Variants in OXNAD1 observed in about 807,000 individuals in gnomAD.
OXNAD1 encodes oxidoreductase NAD-binding domain-containing protein 1.
OXNAD1 carries 34 observed loss-of-function variants against 32.9 expected under a neutral mutation model. That is an observed-to-expected ratio of 1.03 (90% confidence interval 0.79 to 1.38). The LOEUF (loss-of-function observed/expected upper bound fraction) is 1.38, where lower values mean the gene tolerates loss of function less well. OXNAD1 is among the 40% of genes most tolerant of loss of function. OXNAD1 has a pLI of 0.00. For synonymous variants in OXNAD1, 134 were observed against 135.2 expected, an observed-to-expected ratio of 0.99 and a Z score of 0.06; for missense variants, 407 against 379.4, an observed-to-expected ratio of 1.07 and a Z score of -0.60.
Position 16,316,626 on chromosome 3 carries a change from A to G in OXNAD1, c.*30+13034A>G, listed in dbSNP as rs1368596662. 2 of 667,504 alleles carry G rather than the reference A, an allele frequency of 3.0e-6. No individual in the cohort carries two copies. Among genetic ancestry groups the G allele is most frequent in the Non-Finnish European group, 5.3e-6 (2 of 377,040 alleles). 41.3% of individuals were successfully genotyped at this position (667,504 alleles called of 1,614,324 possible). On this transcript the variant is annotated intron_variant, in intron 9 of 9. Coordinates refer to the OXNAD1 transcript ENST00000435829. This position sits in a 1 kb window ranked among gnomAD's most constrained non-coding sequence, Gnocchi z 4.5. ...GCATTCTAACACTGGGTCATTAATG[A>G]CACCTTTCCAGTGGATGTGCAAAAA... is the stretch of plus-strand genomic sequence containing the variant.
rs1385009962 is a variant in OXNAD1, at chr3:16,271,578, A to G, written c.120-81A>G. ...GTAATGTTACACTGTATTTAGGATA[A>G]CCATGATATTTCAGGAAAAACTAAT... On this transcript the variant is annotated intron_variant, in intron 3 of 8. Coordinates refer to ENST00000285083, the MANE Select transcript of OXNAD1 (RefSeq NM_138381.5). The surrounding 1 kb of genome is among the most constrained non-coding windows in gnomAD (Gnocchi z 4.6). 5 of 1,148,122 alleles carry G rather than the reference A, an allele frequency of 4.4e-6. No individual in the cohort carries two copies. The highest frequency in any genetic ancestry group is 6.2e-6 in the Non-Finnish European group (5 of 806,664). The allele number at this position is 1,148,122 out of a possible 1,614,324, so 71.1% of individuals were successfully genotyped here.
chr3:16,286,240 CA>C, intron 4 of OXNAD1, 101 bp from the exon 5 acceptor site: 3 of 883,824 alleles, frequency 3.4e-6, no homozygotes, highest in Non-Finnish European at 5.4e-6. Context: ...TCAAAAACCA[CA>C]TCTTTGTAGG....
In OXNAD1 at chr3:16,303,351, C is replaced by T. The variant is rs537221237; in HGVS notation, c.785-57C>T. The T allele has an allele frequency of 2.0e-4, 318 of 1,581,478 alleles. No individual in the cohort carries two copies. Among genetic ancestry groups the T allele is most frequent in the Middle Eastern group, 3.4e-4 (2 of 5,916 alleles). ...ATCTGAATTGTGGTTAGTCCTTCCT[C>T]ATTTGCTGATACAACCATGTCTGGC... On this transcript the variant is annotated intron_variant, in intron 8 of 8. Coordinates refer to ENST00000285083, the MANE Select transcript of OXNAD1 (RefSeq NM_138381.5). This position sits in a 1 kb window ranked among gnomAD's most constrained non-coding sequence, Gnocchi z 4.8.
rs184033401 is a variant in OXNAD1 at position 16,299,597 on chromosome 3, A to C, written c.433-2029A>C. On this transcript the variant is annotated intron_variant, in intron 6 of 8. Transcript: ENST00000285083. The surrounding 1 kb of genome is among the most constrained non-coding windows in gnomAD (Gnocchi z 4.4). ...TTCATTTTTCTTAGATCTTCTCTAA[A>C]TTTAACTCAACTTTAACTTGCAGAG... 1.8e-3 allele frequency among the ~76,000 whole-genome samples: 274 copies of C among 152,332 alleles called. No homozygotes were observed. Among genetic ancestry groups the C allele is most frequent in the Non-Finnish European group, 3.5e-3 (241 of 68,032 alleles).
At position 16,344,411 on chromosome 3, in the gene OXNAD1, C is replaced by T. The variant is rs147087133; in HGVS notation, c.*31-4765C>T. The stretch of plus-strand genomic sequence containing the variant: ...TAGAAACAACATGTAAAAACAGATA[C>T]ATTCAGAAAAGGCGGCTCTGGTTGA... On this transcript the variant is annotated intron_variant, in intron 9 of 9. Coordinates refer to the OXNAD1 transcript ENST00000606098. The surrounding 1 kb of genome is among the most constrained non-coding windows in gnomAD (Gnocchi z 4.4). Among the ~76,000 whole-genome samples the T allele has an allele frequency of 1.3e-4, 19 of 151,968 alleles. No individual in the cohort carries two copies. In the East Asian group the frequency reaches 3.5e-3, roughly 28 times the overall value.
At chr3:16,337,368 T>C (rs767555583), downstream of OXNAD1, 5 of 152,346 alleles carry the variant, frequency 3.3e-5, no homozygotes, top group Non-Finnish European at 5.9e-5. This position sits in a 1 kb window ranked among gnomAD's most constrained non-coding sequence, Gnocchi z 5.0. Flanking sequence ...AGAAGCTAAC[T>C]GGTGTATTAC....
At chr3:16,285,948 T>G (rs2066044011) in intron 4 of OXNAD1, among the ~76,000 whole-genome samples, 1 of 152,174 alleles carries the variant, frequency 6.6e-6, no homozygotes, top group Non-Finnish European at 1.5e-5. Flanking sequence ...TGCCCAGTGC[T>G]GATGGAGAAT....
rs1328536198 is a variant in OXNAD1, at chr3:16,277,922, C to G, written c.183+6200C>G. 2.0e-5 allele frequency among the ~76,000 whole-genome samples: 3 copies of G among 152,020 alleles called. No individual in the cohort carries two copies. Among genetic ancestry groups the G allele is most frequent in the African/African-American group, 4.8e-5 (2 of 41,352 alleles). ...CAAAAGAATAAGCAGTCTGAGTAAC[C>G]CTAGAAATGTCAAGGAGATAAAGAT... On this transcript the variant is annotated intron_variant, in intron 4 of 8. Transcript: ENST00000285083. The surrounding 1 kb of genome is among the most constrained non-coding windows in gnomAD (Gnocchi z 4.3).
In OXNAD1 at chr3:16,334,187, A is replaced by G. The variant is rs185762482; in HGVS notation, c.*31-2925A>G. ...CTCAAAACAAAAACAAAAACAAAAA[A>G]CAACAACAAAAAATACCCTGAGATA... is the stretch of plus-strand genomic sequence containing the variant. On this transcript the variant is annotated intron_variant, in intron 9 of 9. Coordinates refer to the OXNAD1 transcript ENST00000435829. The surrounding 1 kb of genome is among the most constrained non-coding windows in gnomAD (Gnocchi z 4.3). 1.1e-3 allele frequency among the ~76,000 whole-genome samples: 162 copies of G among 152,196 alleles called. 4 individuals are homozygous for G. The highest frequency in any genetic ancestry group is 0.011 in the Admixed American group (162 of 15,290).
rs1449589044 is a variant in OXNAD1, at chr3:16,302,980, T to C, written c.784+232T>C. Reference sequence around the variant, plus strand: ...ACTTTTCACACTTTTTAAGAGGCCTTTGCATCATCACTGTAGTGTCCATAC... The same window carrying C: ...ACTTTTCACACTTTTTAAGAGGCCTCTGCATCATCACTGTAGTGTCCATAC... On this transcript the variant is annotated intron_variant, in intron 8 of 8. Transcript: ENST00000285083. This position sits in a 1 kb window ranked among gnomAD's most constrained non-coding sequence, Gnocchi z 4.2. Among the ~76,000 whole-genome samples the C allele has an allele frequency of 6.6e-6, 1 of 152,228 alleles. No individual in the cohort carries two copies. Among genetic ancestry groups the C allele is most frequent in the African/African-American group, 2.4e-5 (1 of 41,454 alleles).
chr3:16,337,040 T>C lies in OXNAD1; in HGVS notation c.*31-72T>C, dbSNP rs2070923999. 6.6e-6 allele frequency: 1 copy of C among 152,202 alleles called. No homozygotes were observed. The highest frequency in any genetic ancestry group is 1.5e-5 in the Non-Finnish European group (1 of 68,060). 9.4% of individuals were successfully genotyped at this position (152,202 alleles called of 1,614,324 possible). A position where few individuals can be genotyped will look rare whatever the true frequency, so the allele number is the denominator to read the frequency against. ...GGGACTTGCTCTGACAAATAGGATA[T>C]GGCAGATGTGACATTACGGTCATCC... On this transcript the variant is annotated intron_variant, in intron 9 of 9. Coordinates refer to the OXNAD1 transcript ENST00000435829. The surrounding 1 kb of genome is among the most constrained non-coding windows in gnomAD (Gnocchi z 5.0).
At position 16,288,028 on chromosome 3, in the gene OXNAD1, G is replaced by C. The variant is rs940786349; in HGVS notation, c.290+1580G>C. 1.3e-5 allele frequency among the ~76,000 whole-genome samples: 2 copies of C among 152,070 alleles called. No individual in the cohort carries two copies. Among genetic ancestry groups the C allele is most frequent in the African/African-American group, 4.8e-5 (2 of 41,408 alleles). ...TGATCAGCATTCATTCCAGGCCCCT[G>C]GGCCCTCCTCTTTCAACAAATTTTA... On this transcript the variant is annotated intron_variant, in intron 5 of 8. Transcript: ENST00000285083. This position sits in a 1 kb window ranked among gnomAD's most constrained non-coding sequence, Gnocchi z 5.1.
chr3:16,303,347 TC>T lies in OXNAD1; in HGVS notation c.785-59del, dbSNP rs2067317773. On this transcript the variant is annotated intron_variant, in intron 8 of 8. Transcript: ENST00000285083. The surrounding 1 kb of genome is among the most constrained non-coding windows in gnomAD (Gnocchi z 4.8). ...CTGTATCTGAATTGTGGTTAGTCCT[TC>T]CTCATTTGCTGATACAACCATGTCT... 1 of 1,572,034 alleles carries T rather than the reference TC, an allele frequency of 6.4e-7. No homozygotes were observed. Among genetic ancestry groups the T allele is most frequent in the Admixed American group, 1.7e-5 (1 of 58,298 alleles).
chr3:16,291,103 A>G (rs1339377314), intron 5 of OXNAD1, among the ~76,000 whole-genome samples: 4 of 152,198 alleles, frequency 2.6e-5, no homozygotes, highest in African/African-American at 9.6e-5. Context: ...GAAACCCAGG[A>G]GTTCTAGACT....
chr3:16,283,159 A>G (rs1326025408), intron 4 of OXNAD1, among the ~76,000 whole-genome samples: 2 of 152,136 alleles, frequency 1.3e-5, no homozygotes, highest in Non-Finnish European at 2.9e-5. Flanking sequence ...ATGCATCCAT[A>G]ATTGAATATC....
chr3:16,338,827 G>T (rs114178633), downstream of OXNAD1, among the ~76,000 whole-genome samples: 273 of 152,304 alleles, frequency 1.8e-3, no homozygotes, highest in Non-Finnish European at 2.7e-3. The surrounding 1 kb of genome is among the most constrained non-coding windows in gnomAD (Gnocchi z 5.3). Flanking sequence ...TAATTAAAAA[G>T]TTGTTTATTT....
rs2125312934 is a variant in OXNAD1 at position 16,348,702 on chromosome 3, A to C, written c.*31-474A>C. 6.6e-6 allele frequency among the ~76,000 whole-genome samples: 1 copy of C among 152,320 alleles called. No individual in the cohort carries two copies. The highest frequency in any genetic ancestry group is 2.4e-5 in the African/African-American group (1 of 41,580). Reference sequence around the variant, plus strand: ...AAAAGTAGTCACTCTCTTTGAGCCTATGGAGTTTCCCAGTTCCCTGAGGGT... The same window carrying C: ...AAAAGTAGTCACTCTCTTTGAGCCTCTGGAGTTTCCCAGTTCCCTGAGGGT... On this transcript the variant is annotated intron_variant, in intron 9 of 9. Coordinates refer to the OXNAD1 transcript ENST00000606098. This position sits in a 1 kb window ranked among gnomAD's most constrained non-coding sequence, Gnocchi z 6.3.
chr3:16,306,838 A>G (rs561656968), downstream of OXNAD1, among the ~76,000 whole-genome samples: 2 of 152,304 alleles, frequency 1.3e-5, no homozygotes, highest in African/African-American at 4.8e-5. Context: ...TGAGGCATAT[A>G]ATGTCTGTCC....
At position 16,320,313 on chromosome 3, in the gene OXNAD1, A is replaced by C. The variant is rs984048868; in HGVS notation, c.*30+16721A>C. 6.6e-6 allele frequency among the ~76,000 whole-genome samples: 1 copy of C among 152,188 alleles called. No individual in the cohort carries two copies. Among genetic ancestry groups the C allele is most frequent in the Admixed American group, 6.5e-5 (1 of 15,282 alleles). On this transcript the variant is annotated intron_variant, in intron 9 of 9. Transcript: ENST00000435829. This position sits in a 1 kb window ranked among gnomAD's most constrained non-coding sequence, Gnocchi z 4.5. ...TGAAAAGTCCTGATTAGAAAAATCT[A>C]TCCATGTTGCTGATTAAAAGAAGAC...
Sources: gnomAD v4.1 joint callset for allele counts (sites outside exome capture counted in the v4.1 genomes callset) on GRCh38, gnomAD v4.1.1 for gene constraint, Gnocchi (gnomAD v3.1) non-coding constraint, MANE v1.5 for transcripts, NCBI Gene and HGNC (gene_info 2026-07-23, HGNC 2026-07-21) for gene names.